Variants in LMBRD2 observed in about 807,000 individuals in gnomAD.
LMBRD2 encodes the protein G protein-coupled receptor-associated protein LMBRD2.
In LMBRD2, 55 loss-of-function variants were observed where a neutral mutation model predicts 94.4. That is an observed-to-expected ratio of 0.58 (90% CI 0.47 to 0.73). The LOEUF is 0.73. Ranked by LOEUF, LMBRD2 falls within the 30% of genes least tolerant of loss-of-function variation. The pLI is 0.00. For synonymous variants in LMBRD2, 246 were observed against 272.4 expected (o/e 0.90, Z 0.95); for missense variants, 640 against 831.9 (o/e 0.77, Z 2.84).
chr5:36,106,914 T>C (rs1581039876), intron 16 of LMBRD2, among the ~76,000 whole-genome samples: 2 of 152,130 alleles, frequency 1.3e-5, no homozygotes, highest in South Asian at 4.1e-4. Context: ...TCCCAAAGGT[T>C]CTCTCATGCC....
intron 9 of LMBRD2, among the ~76,000 whole-genome samples, chr5:36,119,930 C>T (rs1205710106): frequency 6.6e-6 from 1 of 152,204 alleles, no homozygotes; most frequent in Non-Finnish European, 1.5e-5. Flanking sequence ...CTCATCTCTA[C>T]TAGTCATGAA....
At chr5:36,116,659 G>C (rs533917685) in intron 10 of LMBRD2, 66 bp from the exon 11 acceptor site, 1 of 1,444,450 alleles carries the variant, frequency 6.9e-7, no homozygotes, top group African/African-American at 1.4e-5. Context: ...AACAATTACA[G>C]GCATTATCCT....
chr5:36,122,570 G>A (rs1743911994), intron 8 of LMBRD2, 107 bp from the exon 9 acceptor site: 1 of 974,820 alleles, frequency 1.0e-6, no homozygotes, highest in South Asian at 1.5e-5. Context: ...AAAGTGCTAG[G>A]GCATTTACTG....
chr5:36,127,487 G>T (rs188864178), intron 6 of LMBRD2, among the ~76,000 whole-genome samples: 32 of 152,306 alleles, frequency 2.1e-4, no homozygotes, highest in Admixed American at 1.6e-3. Flanking sequence ...TGCAGGACTC[G>T]GCTCTTAGAC....
Position 36,098,552 on chromosome 5 carries a change from C to T in LMBRD2, c.*5494G>A, listed in dbSNP as rs1413481790. The T allele has an allele frequency of 6.6e-6, 1 of 152,000 alleles. No individual in the cohort carries two copies. The highest frequency in any genetic ancestry group is 1.5e-5 in the Non-Finnish European group (1 of 67,910). The allele number at this position is 152,000 out of a possible 1,614,324, so 9.4% of individuals were successfully genotyped here. A position where few individuals can be genotyped will look rare whatever the true frequency, so the allele number is the denominator to read the frequency against. On this transcript the variant is annotated 3_prime_UTR_variant, in exon 18 of 18. Transcript: ENST00000296603. ...AAATATATAAACAATCAGCAAAATTCTTATTAACTTGTAGAAATGTAATTT... is the reference window on the plus strand; with the variant it reads ...AAATATATAAACAATCAGCAAAATTTTTATTAACTTGTAGAAATGTAATTT...
chr5:36,124,650 G>A (rs1743968663), intron 6 of LMBRD2, among the ~76,000 whole-genome samples: 1 of 152,170 alleles, frequency 6.6e-6, no homozygotes, highest in Non-Finnish European at 1.5e-5. Context: ...AAAAACCAGA[G>A]GAAGCAGAAA....
chr5:36,139,788 A>G (rs563802082), intron 4 of LMBRD2, among the ~76,000 whole-genome samples: 2 of 152,120 alleles, frequency 1.3e-5, no homozygotes, highest in African/African-American at 4.8e-5. Context: ...TGTCAGGACA[A>G]CCTGCCTGCA....
Position 36,117,768 on chromosome 5 carries a change from C to T in LMBRD2, c.1269G>A (p.Leu423=), listed in dbSNP as rs1743792829. Residue 423 remains leucine (L), a synonymous_variant, in exon 10 of 18, where the codon CTG becomes CTA. Coordinates refer to ENST00000296603, the MANE Select transcript of LMBRD2 (RefSeq NM_001007527.2). ...VLSLFAVFIQ[L]AEKTYNYIYI... The stretch of plus-strand genomic sequence containing the variant: ...AAATATAATTATATGTTTTTTCTGC[C>T]AGCTGTATGAAGACCGCAAAGAGGG... The T allele has an allele frequency of 6.2e-7, 1 of 1,605,280 alleles. No individual in the cohort carries two copies. The highest frequency in any genetic ancestry group is 1.1e-5 in the South Asian group (1 of 88,696).
chr5:36,114,403 A>G, intron 13 of LMBRD2, 21 bp downstream of exon 13: 1 of 1,549,676 alleles, frequency 6.5e-7, no homozygotes, highest in Non-Finnish European at 8.6e-7. Flanking sequence ...GCAAAAGAAA[A>G]AACAATGTTA....
In LMBRD2 at chr5:36,103,480, G is replaced by A. The variant is rs1743391632; in HGVS notation, c.*566C>T. 1 of 152,216 alleles carries A rather than the reference G, an allele frequency of 6.6e-6. No homozygotes were observed. Among genetic ancestry groups the A allele is most frequent in the African/African-American group, 2.4e-5 (1 of 41,350 alleles). The allele number at this position is 152,216 out of a possible 1,614,324, so 9.4% of individuals were successfully genotyped here. A position where few individuals can be genotyped will look rare whatever the true frequency, so the allele number is the denominator to read the frequency against. On this transcript the variant is annotated 3_prime_UTR_variant, in exon 18 of 18. Transcript: ENST00000296603. ...TTATACATGCAAAAATCCCCCACGA[G>A]TTTGCAAACAGATTTGAAAAAGCAC...
intron 3 of LMBRD2, among the ~76,000 whole-genome samples, 196 bp downstream of exon 3, chr5:36,142,305 AC>A (rs1218094380): frequency 1.3e-5 from 2 of 152,200 alleles, no homozygotes; most frequent in African/African-American, 2.4e-5. Context: ...GGCTTTGTGG[AC>A]CAATAAATAT....
intron 7 of LMBRD2, 117 bp downstream of exon 7, chr5:36,124,074 T>A (rs112814059): frequency 1.9e-6 from 1 of 536,520 alleles, no homozygotes; most frequent in Non-Finnish European, 3.3e-6. Context: ...GATATTTCTA[T>A]GAAAATGAAT....
intron 6 of LMBRD2, among the ~76,000 whole-genome samples, chr5:36,129,582 T>C (rs1744085489): frequency 6.6e-6 from 1 of 152,102 alleles, no homozygotes; most frequent in Admixed American, 6.5e-5. Flanking sequence ...ATTTCGTCCA[T>C]ACCAGTCCTG....
chr5:36,147,294 T>TGCC (rs1337503225), intron 1 of LMBRD2, among the ~76,000 whole-genome samples: 4 of 152,154 alleles, frequency 2.6e-5, no homozygotes, highest in Non-Finnish European at 5.9e-5. Context: ...TCCATATCTT[T>TGCC]AACCTTGTGC....
chr5:36,133,017 A>G (rs1744189600), intron 6 of LMBRD2, among the ~76,000 whole-genome samples: 1 of 150,308 alleles, frequency 6.7e-6, no homozygotes, highest in Non-Finnish European at 1.5e-5. Context: ...AAAAAAAAAA[A>G]GCTACCATGT....
At chr5:36,137,795 A>C (rs1283855512) in intron 4 of LMBRD2, among the ~76,000 whole-genome samples, 1 of 152,174 alleles carries the variant, frequency 6.6e-6, no homozygotes, top group Non-Finnish European at 1.5e-5. Context: ...TGGTGGTAAG[A>C]AGCAAAAAGG....
chr5:36,109,825 CTT>C, intron 15 of LMBRD2, 118 bp downstream of exon 15: 2 of 719,032 alleles, frequency 2.8e-6, no homozygotes, highest in Non-Finnish European at 4.6e-6. Context: ...AAAAATATAT[CTT>C]ATAACATTTT....
At chr5:36,147,654 A>G (rs113484380) in intron 1 of LMBRD2, among the ~76,000 whole-genome samples, 101 of 152,306 alleles carry the variant, frequency 6.6e-4, no homozygotes, top group Non-Finnish European at 7.8e-4. Flanking sequence ...TAGCGTGTTA[A>G]TGTTACTGAC....
At chr5:36,130,446 G>C (rs1406155760) in intron 6 of LMBRD2, among the ~76,000 whole-genome samples, 2 of 151,812 alleles carry the variant, frequency 1.3e-5, no homozygotes, top group Non-Finnish European at 2.9e-5. Context: ...CAAAAAATAA[G>C]AAGCAAGAAG....
Sources: gnomAD v4.1 joint callset for allele counts (sites outside exome capture counted in the v4.1 genomes callset) on GRCh38, gnomAD v4.1.1 for gene constraint, MANE v1.5 for transcripts, NCBI Gene and HGNC (gene_info 2026-07-23, HGNC 2026-07-21) for gene names.